Variants in SLC38A5 observed in about 807,000 individuals in gnomAD.
SLC38A5 encodes solute carrier family 38 member 5, also known as sodium-coupled neutral amino acid transporter 5.
A neutral mutation model predicts 34.6 loss-of-function variants in SLC38A5; 9 were observed. The observed-to-expected ratio is 0.26, with a 90% CI of 0.16 to 0.45. The LOEUF is 0.45. Among genes scored for constraint, SLC38A5 ranks in the 20% least tolerant of loss-of-function variants. The probability of loss-of-function intolerance (pLI) is 1.00; values close to 1 mark genes in which losing one functional copy is unlikely to be tolerated. For missense variants in SLC38A5, 253 were observed against 394.7 expected, an observed-to-expected ratio of 0.64 and a Z score of 3.04; for synonymous variants, 157 against 155.6, an observed-to-expected ratio of 1.01 and a Z score of -0.07.
chrX:48,468,831 C>T (rs571790387), intron 2 of SLC38A5: 9 of 751,086 alleles, frequency 1.2e-5, no homozygotes, highest in African/African-American at 9.2e-5. Context: ...CATTTCCCTC[C>T]GGAGGAAGAG....
chrX:48,467,893 G>T lies in SLC38A5; in HGVS notation c.32C>A (p.Ala11Asp), dbSNP rs981869205. The T allele has an allele frequency of 5.8e-6, 7 of 1,205,532 alleles. No homozygotes were observed. The highest frequency in any genetic ancestry group is 7.8e-6 in the Non-Finnish European group (7 of 892,973). Residue 11 changes from alanine (A) to aspartate (D), a missense_variant, in exon 3 of 17, where the codon GCC becomes GAC. By Grantham distance (126) the Ala-to-Asp change is moderately radical (BLOSUM62 -2). Around this residue, in one of 3 missense-constraint regions of SLC38A5, gnomAD observed 40 missense variants for 36.4 expected, o/e 1.10. Coordinates refer to ENST00000620913, the MANE Select transcript of SLC38A5 (RefSeq NM_033518.4). MELQDPKMNG[A>D]LPSDAVGYRQ... is the part of the protein sequence containing the mutation. ...TCACCCCACAGCATCCGAAGGGAGG[G>T]CTCCATTCATCTTTGGATCCTGCAG... is the stretch of plus-strand genomic sequence containing the variant.
chrX:48,461,664 G>A (rs782318910), intron 12 of SLC38A5, 54 bp downstream of exon 12: 1 of 1,096,771 alleles, frequency 9.1e-7, no homozygotes, highest in East Asian at 3.2e-5. Context: ...AGACATTCTG[G>A]TTACCACCCC....
Position 48,467,718 on chromosome X carries a change from A to G in SLC38A5, c.121T>C (p.Phe41Leu). The G allele has an allele frequency of 8.3e-7, 1 of 1,207,434 alleles. No individual in the cohort carries two copies. Among genetic ancestry groups the G allele is most frequent in the South Asian group, 1.8e-5 (1 of 56,112 alleles). The change falls in exon 4 of 17, where the codon TTC becomes CTC. Residue 41 changes from phenylalanine to leucine, a missense_variant. Physicochemically the swap from Phe to Leu is conservative, Grantham distance 22 (BLOSUM62 0). This residue lies in a region of SLC38A5 where 40 missense variants were observed against 36.4 expected (regional missense o/e 1.10). Transcript: ENST00000620913. Reference protein sequence around the residue: ...GPAPGSKPVQFMDFEGKTSFG... With the variant: ...GPAPGSKPVQLMDFEGKTSFG... Reference sequence around the variant, plus strand: ...CCTGTGGGGCCACTCACATCCATGAACTGGACCGGCTTGCTCCCAGGAGCA... The same window carrying G: ...CCTGTGGGGCCACTCACATCCATGAGCTGGACCGGCTTGCTCCCAGGAGCA...
In SLC38A5 at chrX:48,463,853, G is replaced by GAA. The variant is rs1246979508; in HGVS notation, c.492-874_492-873insTT. On this transcript the variant is annotated intron_variant, in intron 8 of 16. Transcript: ENST00000620913. The stretch of plus-strand genomic sequence containing the variant: ...AAAGAGAAAGGAAGAAAGAAAGAGA[G>GAA]AGAAAGAAAGAAAGAAAGAAAGAAA... Among the ~76,000 whole-genome samples, 7 of 76,997 alleles carry GAA rather than the reference G, an allele frequency of 9.1e-5. No individual in the cohort carries two copies. In the East Asian group the frequency reaches 1.3e-3, roughly 14 times the overall value. The allele number at this position is 76,997 out of a possible 115,157, so 66.9% of individuals were successfully genotyped here. A position where few individuals can be genotyped will look rare whatever the true frequency, so the allele number is the denominator to read the frequency against.
In SLC38A5 at chrX:48,460,267, C is replaced by A. The variant is rs186066277; in HGVS notation, c.1068+382G>T. ...TCCCTCCTCTGTCTAATTAGTTCTG[C>A]CTCCCCATCTGGGAGACTTGACCCT... On this transcript the variant is annotated intron_variant, in intron 14 of 16. Transcript: ENST00000620913. Among the ~76,000 whole-genome samples the A allele has an allele frequency of 1.1e-4, 12 of 110,848 alleles. No homozygotes were observed. In the East Asian group the frequency reaches 3.2e-3, roughly 29 times the overall value.
At chrX:48,463,769 A>T (rs1420917034) in intron 8 of SLC38A5, among the ~76,000 whole-genome samples, 1 of 94,652 alleles carries the variant, frequency 1.1e-5, no homozygotes, top group African/African-American at 3.9e-5. Context: ...AGATCAAGAC[A>T]CTCAAAAAAA....
intron 6 of SLC38A5, 35 bp from the exon 7 acceptor site, chrX:48,466,357 C>T: frequency 8.6e-7 from 1 of 1,161,001 alleles, no homozygotes; most frequent in Non-Finnish European, 1.2e-6. Context: ...GTTGAAGGTC[C>T]AGGAGGCCAG....
chrX:48,466,557 G>C (rs958074102), intron 6 of SLC38A5, among the ~76,000 whole-genome samples: 1 of 105,576 alleles, frequency 9.5e-6, no homozygotes, highest in Non-Finnish European at 2.0e-5. Context: ...CTTGGAGCCA[G>C]ACTATGAACT....
At chrX:48,461,123 C>T in intron 12 of SLC38A5, 37 bp from the exon 13 acceptor site, 1 of 1,119,501 alleles carries the variant, frequency 8.9e-7, no homozygotes, top group Non-Finnish European at 1.2e-6. Flanking sequence ...CATGCCCAGA[C>T]CCTGAGACTT....
Position 48,466,263 on chromosome X carries a change from C to A in SLC38A5, c.379G>T (p.Val127Leu). Residue 127 changes from valine (V) to leucine (L), a missense_variant, in exon 7 of 17, where the codon GTG becomes TTG. Transcript: ENST00000620913. ...TTGTGCAGACAGATGACTGTGGCCA[C>A]CACTACCTTCCCCGCAGGCCCGAAT... Reference protein sequence around the residue: ...RAFGPAGKVVVATVICLHNVG... With the variant: ...RAFGPAGKVVLATVICLHNVG... 1 of 1,207,791 alleles carries A rather than the reference C, an allele frequency of 8.3e-7. No individual in the cohort carries two copies.
chrX:48,462,827 T>C (rs188443864), intron 9 of SLC38A5, 71 bp downstream of exon 9: 2 of 832,755 alleles, frequency 2.4e-6, no homozygotes, highest in Admixed American at 2.9e-5. Flanking sequence ...TGAAAATGAA[T>C]GGGGGTTTTC....
intron 8 of SLC38A5, among the ~76,000 whole-genome samples, chrX:48,464,435 G>T (rs2061461521): frequency 8.9e-6 from 1 of 112,758 alleles, no homozygotes; most frequent in Non-Finnish European, 1.9e-5. Flanking sequence ...GCTATCTAGT[G>T]TTCTCAGAAT....
chrX:48,460,794 C>T (rs1556961692), intron 13 of SLC38A5, 30 bp from the exon 14 acceptor site: 1 of 1,182,073 alleles, frequency 8.5e-7, no homozygotes, highest in Middle Eastern at 2.3e-4. Flanking sequence ...GTACGGGATG[C>T]AGGATGTGGA....
At position 48,458,743 on chromosome X, in the gene SLC38A5, C is replaced by T; in HGVS notation, c.*190G>A. ...CATGGGGTTGGGGTTGGGATTAGGG[C>T]CATGATCCAAGCTTGGCATCCCTGG... is the stretch of plus-strand genomic sequence containing the variant. On this transcript the variant is annotated 3_prime_UTR_variant, in exon 17 of 17. Transcript: ENST00000620913. 9.5e-7 allele frequency: 1 copy of T among 1,052,011 alleles called. No homozygotes were observed. The highest frequency in any genetic ancestry group is 4.1e-5 in the Admixed American group (1 of 24,375). 86.7% of individuals were successfully genotyped at this position (1,052,011 alleles called of 1,213,427 possible).
chrX:48,461,788 T>C lies in SLC38A5; in HGVS notation c.781A>G (p.Thr261Ala). ...MFTVDSQMSY[T>A]VPIMAFAFVC... ...AAAGCAAAAGCCATAATGGGCACTG[T>C]GTAGGACATCTAGGGGAATGCCCGA... is the stretch of plus-strand genomic sequence containing the variant. Residue 261 changes from threonine (T) to alanine (A), a missense_variant, in exon 12 of 17, where the codon ACA (threonine) becomes GCA (alanine). Physicochemically the swap from Thr to Ala is moderately conservative, Grantham distance 58. This residue lies in a region of SLC38A5 where 176 missense variants were observed against 273.0 expected (regional missense o/e 0.64). Transcript: ENST00000620913. 8.3e-7 allele frequency: 1 copy of C among 1,209,526 alleles called. No individual in the cohort carries two copies. The highest frequency in any genetic ancestry group is 1.8e-5 in the South Asian group (1 of 56,276).
intron 13 of SLC38A5, 37 bp downstream of exon 13, chrX:48,460,949 T>TG: frequency 6.4e-6 from 7 of 1,087,502 alleles, no homozygotes; most frequent in Non-Finnish European, 8.8e-6. Flanking sequence ...CCCCAGGCCT[T>TG]CCCCCTCCCC....
rs184600345 is a variant in SLC38A5 at position 48,466,663 on chromosome X, G to A, written c.319+136C>T. On this transcript the variant is annotated intron_variant, in intron 6 of 16. Coordinates refer to ENST00000620913, the MANE Select transcript of SLC38A5 (RefSeq NM_033518.4). Reference sequence around the variant, plus strand: ...GGGTGGGTTCTGGGGTGCTGGGTCCGGGATCTGGGGTCTGCATTCAGGGAG... The same window carrying A: ...GGGTGGGTTCTGGGGTGCTGGGTCCAGGATCTGGGGTCTGCATTCAGGGAG... 5.7e-3 allele frequency: 3,828 copies of A among 672,898 alleles called. 17 individuals carry two copies. The highest frequency in any genetic ancestry group is 7.2e-3 in the Non-Finnish European group (3,109 of 431,640). The allele number at this position is 672,898 out of a possible 1,213,427, so 55.5% of individuals were successfully genotyped here.
rs782016382 is a variant in SLC38A5, at chrX:48,466,328, G to T, written c.320-6C>A. 8.4e-7 allele frequency: 1 copy of T among 1,188,925 alleles called. No individual in the cohort carries two copies. The highest frequency in any genetic ancestry group is 1.1e-6 in the Non-Finnish European group (1 of 883,439). On this transcript the variant is annotated splice_polypyrimidine_tract_variant and splice_region_variant and intron_variant, in intron 6 of 16. Transcript: ENST00000620913. ...CTGCTCATAGGCTCGGATGCCTAGC[G>T]GGGGGAGTCAGGAACAGGGTTGAAG... is the stretch of plus-strand genomic sequence containing the variant.
At chrX:48,468,250 G>A (rs1034766036) in intron 2 of SLC38A5, 36 of 930,941 alleles carry the variant, frequency 3.9e-5, no homozygotes, top group Non-Finnish European at 4.4e-5. Flanking sequence ...CCCCAGCGCA[G>A]ATGAGCCGAC....
Sources: gnomAD v4.1 joint callset for allele counts (sites outside exome capture counted in the v4.1 genomes callset) on GRCh38, gnomAD v4.1.1 for gene constraint, gnomAD v4.1.1 regional missense constraint, MANE v1.5 for transcripts, NCBI Gene and HGNC (gene_info 2026-07-23, HGNC 2026-07-21) for gene names.